ARHGAP22: variants seen among roughly 807,000 people sequenced by gnomAD.
ARHGAP22 encodes the protein Rho GTPase activating protein 22.
A neutral mutation model predicts 59.1 loss-of-function variants in ARHGAP22; 48 were observed. That is an observed-to-expected ratio of 0.81 (90% CI 0.64 to 1.03). ARHGAP22 has a LOEUF of 1.03. Ranked by LOEUF, ARHGAP22 falls within the 50% of genes least tolerant of loss-of-function variation. ARHGAP22 has a pLI of 0.00. For missense variants in ARHGAP22, 1,015 were observed against 958.7 expected (o/e 1.06, Z -0.78); for synonymous variants, 445 against 416.4 (o/e 1.07, Z -0.84).
upstream of ARHGAP22, among the ~76,000 whole-genome samples, chr10:48,653,040 T>G (rs2062625284): frequency 4.6e-5 from 7 of 152,236 alleles, no homozygotes. Flanking sequence ...ATTGACATAG[T>G]GGTCCTGGCA....
chr10:48,540,939 GGTTGGGTAGGCTTGATGTT>G, intron 3 of ARHGAP22, among the ~76,000 whole-genome samples: 1 of 151,890 alleles, frequency 6.6e-6, no homozygotes, highest in Non-Finnish European at 1.5e-5. Context: ...CCTAGTCCAG[GGTTGGGTAGGCTTGATGTT>G]GTTTTGCTTG....
intron 3 of ARHGAP22, among the ~76,000 whole-genome samples, chr10:48,513,768 G>A (rs953525209): frequency 6.6e-6 from 1 of 152,064 alleles, no homozygotes; most frequent in African/African-American, 2.4e-5. Context: ...GGTAAGTATG[G>A]CCCATACACA....
chr10:48,623,703 T>C (rs1016245095), intron 1 of ARHGAP22, among the ~76,000 whole-genome samples: 2 of 152,086 alleles, frequency 1.3e-5, no homozygotes, highest in African/African-American at 4.8e-5. Flanking sequence ...ACCAAGCTCC[T>C]GGTTAAGAGG....
chr10:48,614,173 A>G (rs1478031929), intron 1 of ARHGAP22, among the ~76,000 whole-genome samples: 1 of 152,248 alleles, frequency 6.6e-6, no homozygotes, highest in African/African-American at 2.4e-5. Flanking sequence ...ATGGGCAGAG[A>G]GATGGGAGAA....
At chr10:48,598,180 ACT>A (rs2060179051) in intron 1 of ARHGAP22, among the ~76,000 whole-genome samples, 1 of 152,156 alleles carries the variant, frequency 6.6e-6, no homozygotes, top group African/African-American at 2.4e-5. Context: ...GGGAAGAGAA[ACT>A]CTGTTTTCCC....
At chr10:48,650,705 A>T (rs1258486508) in intron 1 of ARHGAP22, among the ~76,000 whole-genome samples, 1 of 152,220 alleles carries the variant, frequency 6.6e-6, no homozygotes, top group Non-Finnish European at 1.5e-5. Context: ...CATCATAGAA[A>T]TCTGGTGGCT....
intron 4 of ARHGAP22, 38 bp from the exon 5 acceptor site, chr10:48,459,929 C>G (rs2046977775): frequency 6.3e-7 from 1 of 1,592,614 alleles, no homozygotes; most frequent in Non-Finnish European, 8.6e-7. Context: ...CCTCCACCAC[C>G]CAGCTCAGTG....
chr10:48,472,847 G>A (rs887427812), intron 4 of ARHGAP22, among the ~76,000 whole-genome samples: 1 of 151,762 alleles, frequency 6.6e-6, no homozygotes, highest in Non-Finnish European at 1.5e-5. Context: ...CAGAAAACAA[G>A]TGCTGGTGAG....
intron 4 of ARHGAP22, among the ~76,000 whole-genome samples, chr10:48,477,920 T>A (rs1160112209): frequency 2.0e-5 from 3 of 152,252 alleles, no homozygotes; most frequent in Admixed American, 2.0e-4. Flanking sequence ...GTATAGCTTA[T>A]CTTTTCATTT....
chr10:48,640,061 A>G (rs1254607391), intron 1 of ARHGAP22, among the ~76,000 whole-genome samples: 1 of 152,240 alleles, frequency 6.6e-6, no homozygotes, highest in Non-Finnish European at 1.5e-5. Flanking sequence ...TGAGTTGAAC[A>G]TTCAATAACT....
chr10:48,616,919 T>C (rs578001080), intron 1 of ARHGAP22, among the ~76,000 whole-genome samples: 7 of 152,174 alleles, frequency 4.6e-5, no homozygotes, highest in African/African-American at 1.7e-4. Context: ...GATGACCATA[T>C]AGGCAAATAC....
chr10:48,604,849 T>C lies in ARHGAP22; in HGVS notation c.-53A>G. ...CAGGGCCGTTCATGCTGTCATCCAC[T>C]TGCTTTTGCTCGTCCTCGCGCCTAG... On this transcript the variant is annotated 5_prime_UTR_variant, in exon 1 of 10. Transcript: ENST00000249601. The C allele has an allele frequency of 6.2e-7, 1 of 1,613,788 alleles. No individual in the cohort carries two copies. Among genetic ancestry groups the C allele is most frequent in the Non-Finnish European group, 8.5e-7 (1 of 1,179,984 alleles).
At position 48,450,672 on chromosome 10, in the gene ARHGAP22, A is replaced by C; in HGVS notation, c.1457T>G (p.Val486Gly). 1 of 1,550,550 alleles carries C rather than the reference A, an allele frequency of 6.4e-7. No homozygotes were observed. The highest frequency in any genetic ancestry group is 8.7e-7 in the Non-Finnish European group (1 of 1,147,160). Residue 486 changes from valine to glycine, a missense_variant, in exon 9 of 10, where the codon GTG becomes GGG. Physicochemically the swap from Val to Gly is moderately radical, Grantham distance 109. Transcript: ENST00000249601. ...SGDRLKDSGSVQRLSTYDNVP... is the reference protein window; with the variant it reads ...SGDRLKDSGSGQRLSTYDNVP... ...ATTGTCGTAGGTGGAGAGTCTCTGC[A>C]CGGAGCCCGAGTCCTTGAGCCGGTC...
In ARHGAP22 at chr10:48,577,793, C is replaced by T. The variant is rs111669158; in HGVS notation, c.234+5160G>A. Among the ~76,000 whole-genome samples, 118 of 82,760 alleles carry T rather than the reference C, an allele frequency of 1.4e-3. 1 individual carries two copies. The highest frequency in any genetic ancestry group is 5.1e-3 in the African/African-American group (111 of 21,620). The allele number at this position is 82,760 out of a possible 152,430, so 54.3% of individuals were successfully genotyped here. A position where few individuals can be genotyped will look rare whatever the true frequency, so the allele number is the denominator to read the frequency against. On this transcript the variant is annotated intron_variant, in intron 2 of 9. Transcript: ENST00000249601. ...TCAGAAAATCTGAGATCTAACTGCT[C>T]TTTTTTGGTTTTTTTTTTTTTTTTT...
chr10:48,617,083 A>T (rs954904037), intron 1 of ARHGAP22, among the ~76,000 whole-genome samples: 2 of 132,158 alleles, frequency 1.5e-5, no homozygotes, highest in African/African-American at 6.5e-5. Flanking sequence ...GAACAGAGAT[A>T]TATAGAAAAA....
the ARHGAP22 span, chr10:48,431,308 A>T: frequency 7.1e-7 from 1 of 1,408,240 alleles, no homozygotes; most frequent in Non-Finnish European, 1.0e-6. Flanking sequence ...ATTACAGTTT[A>T]CTTCTTGTGT....
At chr10:48,654,474 G>T (rs1399079861), upstream of ARHGAP22, among the ~76,000 whole-genome samples, 2 of 152,216 alleles carry the variant, frequency 1.3e-5, no homozygotes, top group East Asian at 3.8e-4. Context: ...TGTGCTGATT[G>T]GCTAAAGCCA....
intron 3 of ARHGAP22, among the ~76,000 whole-genome samples, chr10:48,519,676 G>A (rs1273463566): frequency 6.6e-6 from 1 of 152,248 alleles, no homozygotes; most frequent in Non-Finnish European, 1.5e-5. Flanking sequence ...TGGGCCCGAG[G>A]GCTGGGGCTC....
chr10:48,492,483 G>GT (rs2050498440), intron 3 of ARHGAP22, among the ~76,000 whole-genome samples: 1 of 152,086 alleles, frequency 6.6e-6, no homozygotes, highest in Non-Finnish European at 1.5e-5. Context: ...AACTTCAAAT[G>GT]TTTTAGCAGC....
Sources: gnomAD v4.1 joint callset for allele counts (sites outside exome capture counted in the v4.1 genomes callset) on GRCh38, gnomAD v4.1.1 for gene constraint, MANE v1.5 for transcripts, NCBI Gene and HGNC (gene_info 2026-07-23, HGNC 2026-07-21) for gene names.